SGSM3: variants seen among roughly 807,000 people sequenced by gnomAD.
SGSM3 encodes RUN and SH3 containing 3.
SGSM3 carries 96 observed loss-of-function variants against 100.5 expected under a neutral mutation model. The ratio of observed to expected loss-of-function variants is 0.96; its 90% confidence interval spans 0.81 to 1.13. SGSM3 has a LOEUF of 1.13. Ranked by LOEUF, SGSM3 falls within the 50% of genes most tolerant of loss-of-function variation. SGSM3 has a pLI of 0.00. For synonymous variants in SGSM3, 483 were observed against 422.8 expected (o/e 1.14, Z -1.75); for missense variants, 1,001 against 1,015.8 (o/e 0.99, Z 0.20).
chr22:40,404,618 A>C lies in SGSM3; in HGVS notation c.428A>C (p.Glu143Ala), dbSNP rs1156691792. ...KKRNSELSYR[E>A]IVKNSSNDET... The stretch of plus-strand genomic sequence containing the variant: ...AGGAACTCTGAGCTGTCCTACCGCG[A>C]GATTGTGAAGAACAGCTCCAACGAT... Residue 143 changes from glutamate to alanine, a missense_variant, in exon 6 of 22, where the codon GAG (glutamate) becomes GCG (alanine). Transcript: ENST00000248929. 6.2e-7 allele frequency: 1 copy of C among 1,613,594 alleles called. No homozygotes were observed.
At chr22:40,405,359 C>G in intron 7 of SGSM3, 75 bp downstream of exon 7, 4 of 1,353,674 alleles carry the variant, frequency 3.0e-6, no homozygotes, top group Middle Eastern at 2.7e-4. Flanking sequence ...TGGCCTCCCG[C>G]TACGGGGCAG....
chr22:40,403,738 C>T (rs1056012292), intron 4 of SGSM3, among the ~76,000 whole-genome samples: 1 of 152,092 alleles, frequency 6.6e-6, no homozygotes, highest in Admixed American at 6.5e-5. Flanking sequence ...ATCTGACTTG[C>T]ATTTTGGAAG....
chr22:40,386,139 C>G (rs1481502233), intron 1 of SGSM3, among the ~76,000 whole-genome samples: 1 of 152,108 alleles, frequency 6.6e-6, no homozygotes, highest in Non-Finnish European at 1.5e-5. Context: ...CTTGGCCTCC[C>G]AGAGTGCTGG....
At position 40,407,273 on chromosome 22, in the gene SGSM3, C is replaced by T. The variant is rs2051711989; in HGVS notation, c.1313C>T (p.Ala438Val). 2 of 1,613,486 alleles carry T rather than the reference C, an allele frequency of 1.2e-6. No individual in the cohort carries two copies. Among genetic ancestry groups the T allele is most frequent in the Non-Finnish European group, 1.7e-6 (2 of 1,180,042 alleles). Residue 438 changes from alanine to valine, a missense_variant, in exon 12 of 22, where the codon GCC (alanine) becomes GTC (valine). Transcript: ENST00000248929. This position sits in a 1 kb window ranked among gnomAD's most constrained non-coding sequence, Gnocchi z 4.7. The part of the protein sequence containing the change: ...QTELVADLRE[A>V]ILRVARHFQC... Reference sequence around the variant, plus strand: ...GAACTGGTGGCTGACCTCCGGGAAGCCATCCTGCGCGTGGCACGCCACTTC... The same window carrying T: ...GAACTGGTGGCTGACCTCCGGGAAGTCATCCTGCGCGTGGCACGCCACTTC...
At position 40,405,721 on chromosome 22, in the gene SGSM3, C is replaced by G; in HGVS notation, c.691C>G (p.Leu231Val). 6.2e-7 allele frequency: 1 copy of G among 1,613,868 alleles called. No homozygotes were observed. The highest frequency in any genetic ancestry group is 1.1e-5 in the South Asian group (1 of 91,080). ...GATGATGTCTGCCATCATCGAGGAC[C>G]TGCTCCCCGCCTCCTACTTCAGCAC... ...FWMMSAIIEDLLPASYFSTTL... is the reference protein window; with the variant it reads ...FWMMSAIIEDVLPASYFSTTL... The change falls in exon 8 of 22, where the codon CTG becomes GTG. Residue 231 changes from leucine (L) to valine (V), a missense_variant. Transcript: ENST00000248929.
At chr22:40,409,656 G>A in intron 21 of SGSM3, 26 bp from the exon 22 acceptor site, 1 of 1,610,052 alleles carries the variant, frequency 6.2e-7, no homozygotes, top group South Asian at 1.1e-5. Context: ...CAAGGCCTGT[G>A]AGGTGAGGGG....
intron 1 of SGSM3, among the ~76,000 whole-genome samples, chr22:40,396,865 CCTT>C (rs1470604471): frequency 2.0e-5 from 3 of 152,168 alleles, no homozygotes; most frequent in Non-Finnish European, 1.5e-5. Context: ...TAAGATCTGA[CCTT>C]CTGTGCTTTT....
In SGSM3 at chr22:40,408,407, A is replaced by G; in HGVS notation, c.1760A>G (p.His587Arg). Residue 587 changes from histidine (H) to arginine (R), a missense_variant, in exon 16 of 22, where the codon CAC becomes CGC. Physicochemically the swap from His to Arg is conservative, Grantham distance 29 (BLOSUM62 0). Coordinates refer to ENST00000248929, the MANE Select transcript of SGSM3 (RefSeq NM_015705.6). The stretch of plus-strand genomic sequence containing the variant: ...CCATCCCTGCTTGGGGGCGCCTGCC[A>G]CCCCTGGCTGTTTATCGAGGAGGTA... ...KKPSLLGGACHPWLFIEEAAG... is the reference protein window; with the variant it reads ...KKPSLLGGACRPWLFIEEAAG... 1 of 1,613,142 alleles carries G rather than the reference A, an allele frequency of 6.2e-7. No homozygotes were observed. Among genetic ancestry groups the G allele is most frequent in the Non-Finnish European group, 8.5e-7 (1 of 1,179,900 alleles).
chr22:40,410,160 A>G lies in SGSM3; in HGVS notation c.*401A>G. On this transcript the variant is annotated 3_prime_UTR_variant, in exon 22 of 22. Transcript: ENST00000248929. The stretch of plus-strand genomic sequence containing the variant: ...GGGCTGCAGAGCTGTATTCAGGTCC[A>G]AGGTTCTGCCCTTCCTTGAGTGGTC... 1 of 1,096,044 alleles carries G rather than the reference A, an allele frequency of 9.1e-7. No homozygotes were observed. Among genetic ancestry groups the G allele is most frequent in the East Asian group, 5.2e-5 (1 of 19,224 alleles). The allele number at this position is 1,096,044 out of a possible 1,614,324, so 67.9% of individuals were successfully genotyped here. A position where few individuals can be genotyped will look rare whatever the true frequency, so the allele number is the denominator to read the frequency against.
At chr22:40,374,530 T>C (rs2046217152) in intron 1 of SGSM3, among the ~76,000 whole-genome samples, 1 of 152,196 alleles carries the variant, frequency 6.6e-6, no homozygotes, top group African/African-American at 2.4e-5. Flanking sequence ...AGTAGGGGCT[T>C]TGTGTTGTTC....
Position 40,404,335 on chromosome 22 carries a change from G to A in SGSM3, c.246G>A (p.Glu82=). 1.9e-6 allele frequency: 3 copies of A among 1,594,676 alleles called. No homozygotes were observed. Among genetic ancestry groups the A allele is most frequent in the East Asian group, 2.2e-5 (1 of 44,730 alleles). ...GGCTGCGGTGGCAGGCCCACCTGGA[G>A]TTCACCCATAACCACGATGTGGGGG... is the stretch of plus-strand genomic sequence containing the variant. ...PQRLRWQAHL[E]FTHNHDVGDL... Residue 82 remains glutamate (E), a synonymous_variant, in exon 5 of 22, where the codon GAG becomes GAA. Coordinates refer to ENST00000248929, the MANE Select transcript of SGSM3 (RefSeq NM_015705.6).
At chr22:40,408,030 G>C in intron 14 of SGSM3, 41 bp from the exon 15 acceptor site, 1 of 1,604,310 alleles carries the variant, frequency 6.2e-7, no homozygotes, top group Non-Finnish European at 8.5e-7. Flanking sequence ...TCTGTCCTCG[G>C]CCCTCGTGGT....
At position 40,407,895 on chromosome 22, in the gene SGSM3, C is replaced by T. The variant is rs898489556; in HGVS notation, c.1579+52C>T. ...TGGGAGAGGGAGGAGGGGGTGGGCA[C>T]AGAAGACTTGGGTGACCCTGGCCGC... is the stretch of plus-strand genomic sequence containing the variant. On this transcript the variant is annotated intron_variant, in intron 14 of 21. Transcript: ENST00000248929. This position sits in a 1 kb window ranked among gnomAD's most constrained non-coding sequence, Gnocchi z 4.7. 1.0e-5 allele frequency: 16 copies of T among 1,553,216 alleles called. No homozygotes were observed. Among genetic ancestry groups the T allele is most frequent in the Non-Finnish European group, 1.4e-5 (16 of 1,138,904 alleles).
Position 40,409,038 on chromosome 22 carries a change from TGGA to T in SGSM3, c.1988+25_1988+27del, listed in dbSNP as rs759066625. The T allele has an allele frequency of 2.4e-5, 38 of 1,556,150 alleles. No homozygotes were observed. The East Asian group carries it at 6.1e-4, about 25-fold the overall frequency. ...GCTCAAGTGAGTGTGGAAAAGGGGT[TGGA>T]GGAGAGCCCTGGAGTGGGGGGACCC... On this transcript the variant is annotated intron_variant, in intron 19 of 21. Coordinates refer to ENST00000248929, the MANE Select transcript of SGSM3 (RefSeq NM_015705.6).
At chr22:40,392,900 A>G (rs896263487) in intron 1 of SGSM3, among the ~76,000 whole-genome samples, 1 of 152,150 alleles carries the variant, frequency 6.6e-6, no homozygotes, top group African/African-American at 2.4e-5. Flanking sequence ...GGATTTGCCT[A>G]TGTTGGACAT....
intron 1 of SGSM3, 135 bp downstream of exon 1, chr22:40,370,823 C>A (rs907465727): frequency 2.0e-5 from 3 of 152,156 alleles, no homozygotes; most frequent in Non-Finnish European, 2.9e-5. Flanking sequence ...AGAGAAGCAC[C>A]GCCTCGGGCC....
chr22:40,386,349 C>T (rs2048438451), intron 1 of SGSM3, among the ~76,000 whole-genome samples: 1 of 152,192 alleles, frequency 6.6e-6, no homozygotes, highest in South Asian at 2.1e-4. Flanking sequence ...CTGCTTAACC[C>T]TAAGGTTCAC....
rs2051465695 is a variant in SGSM3, at chr22:40,406,129, T to C, written c.866T>C (p.Val289Ala). ...HWFLTAFASV[V>A]DIKLLLRIWD... ...TTCCTCACGGCCTTCGCCAGCGTGG[T>C]GGACATCAAGCTGCTCCTGCGCATC... Residue 289 changes from valine (V) to alanine (A), a missense_variant, in exon 9 of 22, where the codon GTG (valine) becomes GCG (alanine). By Grantham distance (64) the Val-to-Ala change is moderately conservative (BLOSUM62 0). Coordinates refer to ENST00000248929, the MANE Select transcript of SGSM3 (RefSeq NM_015705.6). 4.3e-6 allele frequency: 7 copies of C among 1,614,100 alleles called. No homozygotes were observed. Among genetic ancestry groups the C allele is most frequent in the Non-Finnish European group, 5.9e-6 (7 of 1,180,018 alleles).
rs1167129088 is a variant in SGSM3, at chr22:40,404,263, C to T, written c.174C>T (p.Gly58=). The T allele has an allele frequency of 2.6e-6, 4 of 1,519,102 alleles. No homozygotes were observed. Among genetic ancestry groups the T allele is most frequent in the Non-Finnish European group, 3.5e-6 (4 of 1,133,070 alleles). 94.1% of individuals were successfully genotyped at this position (1,519,102 alleles called of 1,614,324 possible). A position where few individuals can be genotyped will look rare whatever the true frequency, so the allele number is the denominator to read the frequency against. ...TCTTGGCAGAAGGTGATGAGCCTGG[C>T]TCCAGTCTGCTGGCGAACTCCCCTC... ...RVYKEEGDEP[G]SSLLANSPLM... is the part of the protein sequence containing the mutation. The change falls in exon 5 of 22, where the codon GGC becomes GGT. Residue 58 remains glycine, a synonymous_variant. Transcript: ENST00000248929.
Sources: allele counts gnomAD v4.1 joint callset (sites outside exome capture counted in the v4.1 genomes callset), GRCh38; gene constraint gnomAD v4.1.1; non-coding constraint Gnocchi (gnomAD v3.1); transcripts MANE v1.5; gene names NCBI Gene and HGNC (gene_info 2026-07-23, HGNC 2026-07-21).